Variants in SLC17A1 observed in about 807,000 individuals in gnomAD.
The protein encoded by SLC17A1 is solute carrier family 17 member 1.
In SLC17A1, 51 loss-of-function variants were observed where a neutral mutation model predicts 53.5. The observed-to-expected ratio is 0.95, with a 90% CI of 0.76 to 1.20. The LOEUF (loss-of-function observed/expected upper bound fraction) is 1.20. Ranked by LOEUF, SLC17A1 falls within the 50% of genes most tolerant of loss-of-function variation. The pLI is 0.00. For synonymous variants in SLC17A1, 179 were observed against 198.8 expected (o/e 0.90, Z 0.84); for missense variants, 538 against 568.2 (o/e 0.95, Z 0.54).
In SLC17A1 at chr6:25,830,725, A is replaced by T. The variant is rs1486020635; in HGVS notation, c.-50-118T>A. On this transcript the variant is annotated intron_variant, in intron 1 of 12. Coordinates refer to ENST00000244527, the MANE Select transcript of SLC17A1 (RefSeq NM_005074.5). ...CAAGGATAACTTGCTCCATCACAGC[A>T]GTGCCCATTCACCTCCATTATGTGC... The T allele has an allele frequency of 1.0e-5, 6 of 574,116 alleles. No homozygotes were observed. The East Asian group carries it at 1.6e-4, about 15-fold the overall frequency. The allele number at this position is 574,116 out of a possible 1,614,324, so 35.6% of individuals were successfully genotyped here. A position where few individuals can be genotyped will look rare whatever the true frequency, so the allele number is the denominator to read the frequency against.
intron 9 of SLC17A1, 42 bp downstream of exon 9, chr6:25,811,596 G>T: frequency 6.2e-7 from 1 of 1,613,570 alleles, no homozygotes; most frequent in Non-Finnish European, 8.5e-7. Flanking sequence ...AGATAGGGGA[G>T]AAGTATCTCC....
At chr6:25,752,197 A>G in the SLC17A1 span, among the ~76,000 whole-genome samples, 1 of 152,218 alleles carries the variant, frequency 6.6e-6, no homozygotes, top group African/African-American at 2.4e-5. Flanking sequence ...CAGTTACACA[A>G]ACCTAGATGG....
At chr6:25,769,962 T>G in the SLC17A1 span, 2 of 960,648 alleles carry the variant, frequency 2.1e-6, no homozygotes. Context: ...TGGAGAAATG[T>G]AAACAGAAAG....
chr6:25,727,234 C>T, the SLC17A1 span: 3 of 1,613,652 alleles, frequency 1.9e-6, no homozygotes, highest in Non-Finnish European at 1.7e-6. Flanking sequence ...GGAGAGCTGG[C>T]TAAACATGCT....
At chr6:25,746,919 A>G in the SLC17A1 span, among the ~76,000 whole-genome samples, 2 of 152,226 alleles carry the variant, frequency 1.3e-5, no homozygotes, top group Non-Finnish European at 2.9e-5. Flanking sequence ...CAAAGTAGGA[A>G]ACAGAGCCAA....
intron 6 of SLC17A1, 126 bp from the exon 7 acceptor site, chr6:25,813,339 A>G: frequency 2.6e-6 from 2 of 755,238 alleles, no homozygotes; most frequent in Non-Finnish European, 2.2e-6. Context: ...AAACTTTTCA[A>G]CAAGACTTGT....
At chr6:25,746,043 G>A in the SLC17A1 span, among the ~76,000 whole-genome samples, 2 of 152,098 alleles carry the variant, frequency 1.3e-5, no homozygotes, top group East Asian at 1.9e-4. Flanking sequence ...AGCAGATTTC[G>A]CAATCCTAAC....
chr6:25,777,841 G>A, the SLC17A1 span: 2 of 1,086,394 alleles, frequency 1.8e-6, no homozygotes, highest in Admixed American at 3.5e-5. Flanking sequence ...GTTTGCACAG[G>A]AATATTTGCC....
At chr6:25,727,873 G>A in the SLC17A1 span, among the ~76,000 whole-genome samples, 1 of 151,810 alleles carries the variant, frequency 6.6e-6, no homozygotes, top group African/African-American at 2.4e-5. Flanking sequence ...CAAAAATCAG[G>A]TGGGCGTGGT....
At chr6:25,775,532 C>T in the SLC17A1 span, among the ~76,000 whole-genome samples, 3 of 152,082 alleles carry the variant, frequency 2.0e-5, no homozygotes, top group East Asian at 5.8e-4. Context: ...ACCTCCCAGG[C>T]TCAAGCAATC....
At chr6:25,740,449 T>C in the SLC17A1 span, among the ~76,000 whole-genome samples, 1 of 152,172 alleles carries the variant, frequency 6.6e-6, no homozygotes, top group Non-Finnish European at 1.5e-5. Context: ...TTTGTTGTAT[T>C]ACAACAGTTA....
rs1420279708 is a variant in SLC17A1 at position 25,806,400 on chromosome 6, T to G, written c.1178+4998A>C. On this transcript the variant is annotated intron_variant, in intron 10 of 12. Coordinates refer to ENST00000244527, the MANE Select transcript of SLC17A1 (RefSeq NM_005074.5). Reference sequence around the variant, plus strand: ...ACCTCAAAATAATAAAAGTCACATATAGCAAACACAACCAACATCATACGA... The same window carrying G: ...ACCTCAAAATAATAAAAGTCACATAGAGCAAACACAACCAACATCATACGA... Among the ~76,000 whole-genome samples, 5 of 152,122 alleles carry G rather than the reference T, an allele frequency of 3.3e-5. No homozygotes were observed. In the East Asian group the frequency reaches 9.6e-4, roughly 29 times the overall value.
At chr6:25,808,813 T>G (rs1237080730) in intron 10 of SLC17A1, among the ~76,000 whole-genome samples, 1 of 152,028 alleles carries the variant, frequency 6.6e-6, no homozygotes. Flanking sequence ...GAAATGTAAA[T>G]TAGTACAACC....
At chr6:25,818,695 T>C (rs1288047008) in intron 6 of SLC17A1, among the ~76,000 whole-genome samples, 2 of 152,230 alleles carry the variant, frequency 1.3e-5, no homozygotes, top group Non-Finnish European at 2.9e-5. Context: ...TAGAAATTAA[T>C]GTGTTTGATT....
chr6:25,811,175 A>G (rs1174380938), intron 10 of SLC17A1, among the ~76,000 whole-genome samples: 1 of 152,132 alleles, frequency 6.6e-6, no homozygotes, highest in Non-Finnish European at 1.5e-5. Context: ...CACAGTGACT[A>G]CAGTATAAAA....
chr6:25,759,425 C>T, the SLC17A1 span, among the ~76,000 whole-genome samples: 35 of 152,228 alleles, frequency 2.3e-4, no homozygotes, highest in East Asian at 6.6e-3. Context: ...TATTATGTTG[C>T]TGTCTATCTC....
chr6:25,766,878 A>T, the SLC17A1 span, among the ~76,000 whole-genome samples: 1 of 152,208 alleles, frequency 6.6e-6, no homozygotes, highest in Non-Finnish European at 1.5e-5. Flanking sequence ...GAGACATGAC[A>T]ACTAAGTGTA....
chr6:25,790,329 G>A (rs985998899), intron 12 of SLC17A1, among the ~76,000 whole-genome samples: 1 of 152,104 alleles, frequency 6.6e-6, no homozygotes, highest in Non-Finnish European at 1.5e-5. Flanking sequence ...TTATTCACTC[G>A]AAGAATTCAG....
chr6:25,790,193 C>A (rs767513613), intron 12 of SLC17A1, among the ~76,000 whole-genome samples: 16 of 152,114 alleles, frequency 1.1e-4, no homozygotes, highest in Non-Finnish European at 2.2e-4. Flanking sequence ...ATAATGTTAA[C>A]AATACTCCAT....
Sources: gnomAD v4.1 joint callset for allele counts (sites outside exome capture counted in the v4.1 genomes callset) on GRCh38, gnomAD v4.1.1 for gene constraint, MANE v1.5 for transcripts, NCBI Gene and HGNC (gene_info 2026-07-23, HGNC 2026-07-21) for gene names.